VTCN1: variants seen among roughly 807,000 people sequenced by gnomAD.
The protein encoded by VTCN1 is V-set domain-containing T-cell activation inhibitor 1.
Under a neutral mutation model 26.5 loss-of-function variants are expected in VTCN1, and 26 were observed. The observed-to-expected ratio is 0.98, with a 90% CI of 0.72 to 1.36. VTCN1 has a LOEUF of 1.36. Among genes scored for constraint, VTCN1 ranks in the 40% most tolerant of loss-of-function variants. VTCN1 has a pLI of 0.00. For missense variants in VTCN1, 298 were observed against 337.7 expected (o/e 0.88, Z 0.92); for synonymous variants, 116 against 130.7 (o/e 0.89, Z 0.77).
chr1:117,174,767 A>G (rs1647229299), intron 1 of VTCN1, among the ~76,000 whole-genome samples: 1 of 152,194 alleles, frequency 6.6e-6, no homozygotes, highest in Non-Finnish European at 1.5e-5. Context: ...AGAGATAATC[A>G]AAGTGCATTT....
intron 2 of VTCN1, among the ~76,000 whole-genome samples, chr1:117,158,169 C>G (rs759353843): frequency 4.3e-4 from 65 of 152,332 alleles, no homozygotes; most frequent in South Asian, 8.3e-4. Flanking sequence ...GTCTGGAGGA[C>G]AGTGGCTGTT....
At chr1:117,189,236 T>C (rs1185459876) in intron 1 of VTCN1, among the ~76,000 whole-genome samples, 1 of 152,194 alleles carries the variant, frequency 6.6e-6, no homozygotes, top group Non-Finnish European at 1.5e-5. Context: ...CTCTTCTCCC[T>C]CTGTGCCTAC....
chr1:117,201,755 C>T (rs1648799822), intron 1 of VTCN1, among the ~76,000 whole-genome samples: 1 of 152,212 alleles, frequency 6.6e-6, no homozygotes, highest in Non-Finnish European at 1.5e-5. Flanking sequence ...GGTCATTAGA[C>T]AAAGATCCCC....
chr1:117,181,673 C>G (rs972485891), intron 1 of VTCN1, among the ~76,000 whole-genome samples: 1 of 152,140 alleles, frequency 6.6e-6, no homozygotes, highest in Non-Finnish European at 1.5e-5. Context: ...GGAGGCTGAA[C>G]ATGTGTGAAG....
At chr1:117,209,892 C>A (rs1329062495) in intron 1 of VTCN1, among the ~76,000 whole-genome samples, 1 of 152,208 alleles carries the variant, frequency 6.6e-6, no homozygotes, top group Non-Finnish European at 1.5e-5. Flanking sequence ...TCTTCACAAA[C>A]TTTTCACTGT....
intron 2 of VTCN1, among the ~76,000 whole-genome samples, chr1:117,158,005 T>C (rs866833919): frequency 6.6e-6 from 1 of 152,368 alleles, no homozygotes; most frequent in Middle Eastern, 3.4e-3. Context: ...GTCATGCTGA[T>C]GCAAGAGGTG....
chr1:117,194,556 G>T (rs1648414019), intron 1 of VTCN1, among the ~76,000 whole-genome samples: 1 of 152,166 alleles, frequency 6.6e-6, no homozygotes, highest in African/African-American at 2.4e-5. Context: ...TGTCTAGAAG[G>T]CATATCTGTA....
At chr1:117,192,964 T>C (rs1648317199) in intron 1 of VTCN1, among the ~76,000 whole-genome samples, 1 of 152,028 alleles carries the variant, frequency 6.6e-6, no homozygotes, top group Admixed American at 6.6e-5. Context: ...GTATCAAATA[T>C]TAATATATTA....
chr1:117,176,034 T>G (rs1311399615), intron 1 of VTCN1, among the ~76,000 whole-genome samples: 1 of 152,074 alleles, frequency 6.6e-6, no homozygotes, highest in Non-Finnish European at 1.5e-5. Context: ...CCTCCCAAAG[T>G]GCTGGGATTA....
At chr1:117,199,430 A>G (rs1648683291) in intron 1 of VTCN1, among the ~76,000 whole-genome samples, 1 of 152,108 alleles carries the variant, frequency 6.6e-6, no homozygotes, top group African/African-American at 2.4e-5. Context: ...GGCTCAAGCA[A>G]TTCTCCTGCC....
At chr1:117,178,903 C>T (rs1225783394) in intron 1 of VTCN1, among the ~76,000 whole-genome samples, 1 of 152,080 alleles carries the variant, frequency 6.6e-6, no homozygotes, top group Non-Finnish European at 1.5e-5. Context: ...TGAATGTTTT[C>T]TAAGTGAGCA....
At chr1:117,177,456 CAGGCTTGAGG>C (rs1647414850) in intron 1 of VTCN1, among the ~76,000 whole-genome samples, 2 of 152,092 alleles carry the variant, frequency 1.3e-5, no homozygotes. Context: ...ATGGTGAGTG[CAGGCTTGAGG>C]AGAACTTTGC....
intron 1 of VTCN1, among the ~76,000 whole-genome samples, chr1:117,178,630 A>G (rs1054519160): frequency 9.7e-6 from 1 of 103,516 alleles, no homozygotes; most frequent in East Asian, 2.8e-4. Flanking sequence ...GCCCGGCTCT[A>G]TTCCCCTGAC....
intron 1 of VTCN1, among the ~76,000 whole-genome samples, chr1:117,181,839 C>T (rs887765016): frequency 6.6e-6 from 1 of 152,108 alleles, no homozygotes; most frequent in Admixed American, 6.5e-5. Flanking sequence ...CATCAGTCAG[C>T]GTGGTCATCA....
chr1:117,170,320 G>A, intron 1 of VTCN1, 149 bp from the exon 2 acceptor site: 1 of 788,794 alleles, frequency 1.3e-6, no homozygotes, highest in East Asian at 2.6e-5. Flanking sequence ...CCTAGAAACG[G>A]GTACCTTAGA....
At chr1:117,168,311 G>A (rs1177789451) in intron 2 of VTCN1, among the ~76,000 whole-genome samples, 1 of 152,178 alleles carries the variant, frequency 6.6e-6, no homozygotes, top group African/African-American at 2.4e-5. Context: ...AAGGGAAGTG[G>A]GGGAAGGACA....
rs1648619755 is a variant in VTCN1, at chr1:117,198,395, T to C, written c.32+12429A>G. ...GGAAGGATTCCAGATAGTGGGACAG[T>C]GGAGTAAAACAAGAAAAAAAGGCAG... On this transcript the variant is annotated intron_variant, in intron 1 of 5. Transcript: ENST00000369458. Among the ~76,000 whole-genome samples the C allele has an allele frequency of 2.0e-5, 3 of 152,244 alleles. No individual in the cohort carries two copies. In the East Asian group the frequency reaches 5.8e-4, roughly 29 times the overall value.
At chr1:117,173,425 T>G (rs1035402112) in intron 1 of VTCN1, among the ~76,000 whole-genome samples, 6 of 150,896 alleles carry the variant, frequency 4.0e-5, no homozygotes, top group Non-Finnish European at 7.4e-5. Flanking sequence ...GATCTACAAC[T>G]CAAGGAACAC....
chr1:117,171,081 C>CGT (rs1652893494), intron 1 of VTCN1, among the ~76,000 whole-genome samples: 1 of 151,206 alleles, frequency 6.6e-6, no homozygotes, highest in African/African-American at 2.4e-5. Context: ...TCAACTCCCA[C>CGT]TTATGAGTGA....
Sources: gnomAD v4.1 joint callset for allele counts (sites outside exome capture counted in the v4.1 genomes callset) on GRCh38, gnomAD v4.1.1 for gene constraint, MANE v1.5 for transcripts, NCBI Gene and HGNC (gene_info 2026-07-23, HGNC 2026-07-21) for gene names.